Variants in TSPAN7 observed in about 807,000 individuals in gnomAD.
The protein encoded by TSPAN7 is tetraspanin-7.
A neutral mutation model predicts 17.6 loss-of-function variants in TSPAN7; 1 was observed. That is an observed-to-expected ratio of 0.06 (90% confidence interval 0.02 to 0.27). The LOEUF (loss-of-function observed/expected upper bound fraction) is 0.27, where lower values mean the gene tolerates loss of function less well. TSPAN7 is among the 10% of genes least tolerant of loss of function. The probability of loss-of-function intolerance (pLI) is 1.00; values close to 1 mark genes in which losing one functional copy is unlikely to be tolerated. For missense variants in TSPAN7, 112 were observed against 201.7 expected, an observed-to-expected ratio of 0.56 and a Z score of 2.69; for synonymous variants, 78 against 79.0, an observed-to-expected ratio of 0.99 and a Z score of 0.07.
intron 1 of TSPAN7, among the ~76,000 whole-genome samples, chrX:38,566,751 T>TAA (rs2069145773): frequency 8.9e-6 from 1 of 112,121 alleles, no homozygotes; most frequent in Non-Finnish European, 1.9e-5. Flanking sequence ...TATATATATA[T>TAA]AACAAAATAT....
chrX:38,651,292 C>T (rs1241669941), intron 1 of TSPAN7, among the ~76,000 whole-genome samples: 1 of 110,175 alleles, frequency 9.1e-6, no homozygotes, highest in African/African-American at 3.3e-5. Flanking sequence ...GGTGAAACTC[C>T]GTCTCTACTA....
intron 2 of TSPAN7, among the ~76,000 whole-genome samples, chrX:38,667,427 C>T (rs776324194): frequency 1.8e-5 from 2 of 112,104 alleles, no homozygotes; most frequent in Non-Finnish European, 3.8e-5. Context: ...CATCTTACTC[C>T]GTGAAGGGAG....
chrX:38,634,171 G>A (rs2069566736), intron 1 of TSPAN7, among the ~76,000 whole-genome samples: 1 of 111,871 alleles, frequency 8.9e-6, no homozygotes, highest in African/African-American at 3.2e-5. Flanking sequence ...TGGTCTTAGT[G>A]CAAAGAAATA....
At chrX:38,611,465 C>A (rs1228925668) in intron 1 of TSPAN7, among the ~76,000 whole-genome samples, 1 of 112,130 alleles carries the variant, frequency 8.9e-6, no homozygotes, top group Admixed American at 9.4e-5. Flanking sequence ...GTTTCAGAAG[C>A]CTGTCAGCTT....
chrX:38,585,040 A>C (rs1321039775), intron 1 of TSPAN7, among the ~76,000 whole-genome samples: 1 of 112,076 alleles, frequency 8.9e-6, no homozygotes, highest in Non-Finnish European at 1.9e-5. Flanking sequence ...AGGTATATTT[A>C]TTCTTTTTCA....
intron 1 of TSPAN7, among the ~76,000 whole-genome samples, chrX:38,655,754 T>A (rs1008888019): frequency 8.9e-6 from 1 of 111,819 alleles, no homozygotes; most frequent in African/African-American, 3.3e-5. Flanking sequence ...GGGAATTCAG[T>A]GACTTTTTTG....
At chrX:38,668,642 T>C (rs965455731) in intron 2 of TSPAN7, among the ~76,000 whole-genome samples, 1 of 112,539 alleles carries the variant, frequency 8.9e-6, no homozygotes, top group Admixed American at 9.4e-5. Flanking sequence ...TTCTTGTTTA[T>C]GGCCAAATAG....
chrX:38,619,470 T>C (rs1232792093), intron 1 of TSPAN7, among the ~76,000 whole-genome samples: 1 of 112,070 alleles, frequency 8.9e-6, no homozygotes, highest in Non-Finnish European at 1.9e-5. Flanking sequence ...TCTCAAGAGC[T>C]ACAGGAAAGG....
chrX:38,619,437 G>T (rs966002544), intron 1 of TSPAN7, among the ~76,000 whole-genome samples: 1 of 111,949 alleles, frequency 8.9e-6, no homozygotes, highest in East Asian at 2.8e-4. Flanking sequence ...TATTAGCTAA[G>T]GCATGGCTCA....
intron 1 of TSPAN7, among the ~76,000 whole-genome samples, chrX:38,642,014 T>C (rs1483862645): frequency 8.9e-6 from 1 of 111,995 alleles, no homozygotes; most frequent in East Asian, 2.8e-4. Flanking sequence ...TCTCCTCCTT[T>C]TACAGTAGAT....
At chrX:38,576,091 G>T (rs2069192735) in intron 1 of TSPAN7, among the ~76,000 whole-genome samples, 1 of 112,123 alleles carries the variant, frequency 8.9e-6, no homozygotes, top group African/African-American at 3.2e-5. Flanking sequence ...ATTGTAGTGT[G>T]AAAGCAGCAT....
At chrX:38,613,127 G>A (rs1353155045) in intron 1 of TSPAN7, among the ~76,000 whole-genome samples, 1 of 111,262 alleles carries the variant, frequency 9.0e-6, no homozygotes, top group African/African-American at 3.3e-5. Flanking sequence ...CCTATTTTTC[G>A]TCTCTTCGTA....
chrX:38,614,992 CTT>C (rs5902195), intron 1 of TSPAN7, among the ~76,000 whole-genome samples: 7 of 104,494 alleles, frequency 6.7e-5, no homozygotes, highest in Admixed American at 2.0e-4. Flanking sequence ...CAGATTTATT[CTT>C]TTTTTTTTTG....
At chrX:38,643,098 A>G (rs1026606545) in intron 1 of TSPAN7, among the ~76,000 whole-genome samples, 6 of 110,539 alleles carry the variant, frequency 5.4e-5, no homozygotes, top group Non-Finnish European at 7.6e-5. Flanking sequence ...ACAAAATTAC[A>G]TGATAGGTTG....
rs932702764 is a variant in TSPAN7 at position 38,621,591 on chromosome X, A to G, written c.82-44530A>G. 2.7e-5 allele frequency among the ~76,000 whole-genome samples: 3 copies of G among 112,289 alleles called. 1 individual carries two copies. Among genetic ancestry groups the G allele is most frequent in the East Asian group, 2.8e-4 (1 of 3,618 alleles). On this transcript the variant is annotated intron_variant, in intron 1 of 7. Transcript: ENST00000378482. The stretch of plus-strand genomic sequence containing the variant: ...GAGGAATTCTCATCAAAATATTGCA[A>G]ATTATCCCCTGAACACAAACTGGTA...
chrX:38,594,827 G>A (rs906744977), intron 1 of TSPAN7, among the ~76,000 whole-genome samples: 9 of 111,429 alleles, frequency 8.1e-5, no homozygotes, highest in Admixed American at 2.9e-4. Context: ...ATCCATTATC[G>A]CTCAGAGTTA....
intron 1 of TSPAN7, chrX:38,622,964 G>T: frequency 3.0e-6 from 1 of 331,655 alleles, no homozygotes; most frequent in Middle Eastern, 4.4e-4. Context: ...AAGTAATATG[G>T]TATGGAAGAT....
chrX:38,569,964 C>G (rs1470337935), intron 1 of TSPAN7, among the ~76,000 whole-genome samples: 1 of 111,783 alleles, frequency 8.9e-6, no homozygotes, highest in East Asian at 2.8e-4. Flanking sequence ...TTTTAAAAAG[C>G]TTTTGGATTT....
At chrX:38,588,886 T>C (rs2069273950) in intron 1 of TSPAN7, among the ~76,000 whole-genome samples, 1 of 111,579 alleles carries the variant, frequency 9.0e-6, no homozygotes, top group Non-Finnish European at 1.9e-5. Context: ...ACTAATAAAA[T>C]GATCCCAGTT....
Sources: allele counts gnomAD v4.1 joint callset (sites outside exome capture counted in the v4.1 genomes callset), GRCh38; gene constraint gnomAD v4.1.1; transcripts MANE v1.5; gene names NCBI Gene and HGNC (gene_info 2026-07-23, HGNC 2026-07-21).